Variants in ZRANB3 observed in about 807,000 individuals in gnomAD.
The protein encoded by ZRANB3 is DNA annealing helicase and endonuclease ZRANB3.
Under a neutral mutation model 133.8 loss-of-function variants are expected in ZRANB3, and 125 were observed. The observed-to-expected ratio is 0.93, with a 90% CI of 0.81 to 1.08. The LOEUF (loss-of-function observed/expected upper bound fraction) is 1.08. ZRANB3 is among the 50% of genes least tolerant of loss of function. The pLI is 0.00. For synonymous variants in ZRANB3, 387 were observed against 432.7 expected (o/e 0.89, Z 1.31); for missense variants, 1,229 against 1,275.5 (o/e 0.96, Z 0.56).
chr2:135,361,679 G>A (rs1685700387), intron 3 of ZRANB3, among the ~76,000 whole-genome samples: 1 of 152,162 alleles, frequency 6.6e-6, no homozygotes, highest in Non-Finnish European at 1.5e-5. Context: ...TTATAAAAGA[G>A]ATTGCTTTGG....
At chr2:135,449,756 C>G (rs1380628015) in intron 2 of ZRANB3, among the ~76,000 whole-genome samples, 1 of 152,072 alleles carries the variant, frequency 6.6e-6, no homozygotes, top group Non-Finnish European at 1.5e-5. Context: ...TTATTATCAT[C>G]CCCATTTCTT....
intron 2 of ZRANB3, among the ~76,000 whole-genome samples, chr2:135,482,177 AT>A (rs1205849292): frequency 7.2e-6 from 1 of 139,744 alleles, no homozygotes; most frequent in African/African-American, 3.1e-5. Context: ...CTTGATGGGG[AT>A]GGCATTGAAT....
At chr2:135,250,824 G>C (rs1192470079) in intron 12 of ZRANB3, among the ~76,000 whole-genome samples, 1 of 152,248 alleles carries the variant, frequency 6.6e-6, no homozygotes, top group African/African-American at 2.4e-5. Flanking sequence ...CCCTCATGGA[G>C]AGCCTCTGCT....
chr2:135,388,106 GA>G (rs1217649089), intron 3 of ZRANB3, among the ~76,000 whole-genome samples: 24 of 152,050 alleles, frequency 1.6e-4, no homozygotes, highest in African/African-American at 5.1e-4. Context: ...GGTGGAAGGC[GA>G]AAGAGGAGTA....
chr2:135,498,780 G>C (rs1451459156), intron 2 of ZRANB3, among the ~76,000 whole-genome samples: 1 of 152,118 alleles, frequency 6.6e-6, no homozygotes, highest in Non-Finnish European at 1.5e-5. Flanking sequence ...TCTTTTTACG[G>C]TTGTAGATAA....
At chr2:135,446,827 G>C (rs547654885) in intron 2 of ZRANB3, among the ~76,000 whole-genome samples, 2 of 152,268 alleles carry the variant, frequency 1.3e-5, no homozygotes, top group East Asian at 3.9e-4. Flanking sequence ...GTTGGAACTG[G>C]AGTAGAAAAG....
chr2:135,520,447 C>T (rs1693888064), intron 1 of ZRANB3, among the ~76,000 whole-genome samples: 1 of 148,374 alleles, frequency 6.7e-6, no homozygotes, highest in South Asian at 2.1e-4. Context: ...AAGTCTTGCT[C>T]TGTCACTCTG....
Position 135,260,244 on chromosome 2 carries a change from G to A in ZRANB3, c.1539+5290C>T, listed in dbSNP as rs1311767560. Among the ~76,000 whole-genome samples, 7 of 152,142 alleles carry A rather than the reference G, an allele frequency of 4.6e-5. No homozygotes were observed. In the East Asian group the frequency reaches 1.3e-3, roughly 29 times the overall value. On this transcript the variant is annotated intron_variant, in intron 12 of 20. Coordinates refer to ENST00000264159, the MANE Select transcript of ZRANB3 (RefSeq NM_032143.4). ...CTCAAAGCCAAAATAGTACTTAGAA[G>A]TCAGACACATTCAGATGTAGAAGAA... is the stretch of plus-strand genomic sequence containing the variant.
At chr2:135,448,771 AG>A (rs1164016771) in intron 2 of ZRANB3, among the ~76,000 whole-genome samples, 1 of 152,232 alleles carries the variant, frequency 6.6e-6, no homozygotes, top group Non-Finnish European at 1.5e-5. Flanking sequence ...TTTGTAAAGA[AG>A]GGGAGAGGAC....
At chr2:135,371,500 T>C (rs529090812) in intron 3 of ZRANB3, among the ~76,000 whole-genome samples, 1 of 152,294 alleles carries the variant, frequency 6.6e-6, no homozygotes, top group Non-Finnish European at 1.5e-5. Context: ...GAATTTTGTC[T>C]AAGACTATTG....
In ZRANB3 at chr2:135,217,586, A is replaced by G. The variant is rs75070328; in HGVS notation, c.2374T>C (p.Trp792Arg). The part of the protein sequence containing the change: ...RSLILRFVRE[W>R]SSLTAMKQRI... ...TGCTTCATGGCAGTTAGACTACTCC[A>G]TTCTCGAACAAATCTCAAAATCTGG... The change falls in exon 17 of 21, where the codon TGG (tryptophan) becomes CGG (arginine). Residue 792 changes from tryptophan to arginine, a missense_variant. Transcript: ENST00000264159. The G allele has an allele frequency of 7.4e-6, 12 of 1,612,006 alleles. No homozygotes were observed. In the Admixed American group the frequency reaches 1.7e-4, roughly 23 times the overall value.
At chr2:135,266,704 G>A (rs1335919139) in intron 11 of ZRANB3, among the ~76,000 whole-genome samples, 2 of 151,818 alleles carry the variant, frequency 1.3e-5, no homozygotes, top group African/African-American at 4.8e-5. Flanking sequence ...GGCAGAGATT[G>A]CAGTGAGCTG....
intron 2 of ZRANB3, among the ~76,000 whole-genome samples, chr2:135,478,446 A>C (rs975309109): frequency 6.6e-6 from 1 of 152,168 alleles, no homozygotes; most frequent in East Asian, 1.9e-4. Flanking sequence ...ACTGAATGCT[A>C]TGCTGGCCAC....
At chr2:135,463,203 A>G (rs1690838237) in intron 2 of ZRANB3, among the ~76,000 whole-genome samples, 1 of 152,070 alleles carries the variant, frequency 6.6e-6, no homozygotes, top group Admixed American at 6.6e-5. Context: ...ACATATAAAT[A>G]TATCTCCAGT....
At chr2:135,328,671 T>A (rs772064586) in intron 6 of ZRANB3, among the ~76,000 whole-genome samples, 6 of 152,218 alleles carry the variant, frequency 3.9e-5, no homozygotes, top group Admixed American at 1.3e-4. Flanking sequence ...TAGTTTACAC[T>A]CCCACAAACA....
chr2:135,517,073 T>A (rs1693730926), intron 1 of ZRANB3, among the ~76,000 whole-genome samples: 1 of 151,870 alleles, frequency 6.6e-6, no homozygotes, highest in Non-Finnish European at 1.5e-5. Context: ...TGGCTATTGA[T>A]ATTTGTGTAT....
intron 2 of ZRANB3, among the ~76,000 whole-genome samples, chr2:135,432,211 T>G (rs140026126): frequency 6.6e-6 from 1 of 152,070 alleles, no homozygotes; most frequent in African/African-American, 2.4e-5. Flanking sequence ...GATTGCGCCA[T>G]TGAACTCCAG....
chr2:135,211,072 T>A (rs1043820657), intron 17 of ZRANB3, among the ~76,000 whole-genome samples: 1 of 152,088 alleles, frequency 6.6e-6, no homozygotes, highest in African/African-American at 2.4e-5. Context: ...ATAGCTTATT[T>A]TTTTCTGAGT....
At chr2:135,426,225 G>C (rs998738625) in intron 2 of ZRANB3, among the ~76,000 whole-genome samples, 4 of 152,082 alleles carry the variant, frequency 2.6e-5, no homozygotes, top group African/African-American at 7.2e-5. Flanking sequence ...CCCTGGACCA[G>C]AAGAATTGAC....
Sources: gnomAD v4.1 joint callset for allele counts (sites outside exome capture counted in the v4.1 genomes callset) on GRCh38, gnomAD v4.1.1 for gene constraint, MANE v1.5 for transcripts, NCBI Gene and HGNC (gene_info 2026-07-23, HGNC 2026-07-21) for gene names.